Variants in SATB2 observed in about 807,000 individuals in gnomAD.
SATB2 encodes the protein DNA-binding protein SATB2.
In SATB2, 1 loss-of-function variant was observed where a neutral mutation model predicts 73.4. That is an observed-to-expected ratio of 0.01 (90% confidence interval 0.00 to 0.06). The LOEUF is 0.06. Ranked by LOEUF, SATB2 falls within the 10% of genes least tolerant of loss-of-function variation. The probability of loss-of-function intolerance (pLI) is 1.00; values close to 1 mark genes in which losing one functional copy is unlikely to be tolerated. For synonymous variants in SATB2, 397 were observed against 367.0 expected, an observed-to-expected ratio of 1.08 and a Z score of -0.93; for missense variants, 459 against 945.8, an observed-to-expected ratio of 0.49 and a Z score of 6.75.
intron 3 of SATB2, among the ~76,000 whole-genome samples, 154 bp from the exon 4 acceptor site, chr2:199,381,974 C>T (rs1445447935): frequency 2.0e-5 from 3 of 152,156 alleles, no homozygotes; most frequent in South Asian, 2.1e-4. Flanking sequence ...TCTTTCTGGC[C>T]GACAATTGAG....
At chr2:199,285,402 T>C (rs769065804) in intron 10 of SATB2, among the ~76,000 whole-genome samples, 1 of 152,120 alleles carries the variant, frequency 6.6e-6, no homozygotes, top group Non-Finnish European at 1.5e-5. Context: ...AGGCAAAACA[T>C]ATTCTCCTAG....
At position 199,409,691 on chromosome 2, in the gene SATB2, A is replaced by G. The variant is rs550489404; in HGVS notation, c.346+23647T>C. ...TTTGTTTTTTTTTGTTTTCTATACC[A>G]TGGTGTCATAACACCACTTACAACA... On this transcript the variant is annotated intron_variant, in intron 3 of 10. Transcript: ENST00000417098. Among the ~76,000 whole-genome samples, 22 of 150,980 alleles carry G rather than the reference A, an allele frequency of 1.5e-4. 1 individual carries two copies. In the South Asian group the frequency reaches 2.5e-3, roughly 17 times the overall value.
intron 10 of SATB2, among the ~76,000 whole-genome samples, chr2:199,295,113 T>C (rs1045232453): frequency 2.6e-5 from 4 of 152,032 alleles, no homozygotes; most frequent in Non-Finnish European, 5.9e-5. Context: ...AAGAAAGAAA[T>C]ACAAAGATAA....
chr2:199,356,645 G>A (rs183592498), intron 6 of SATB2, among the ~76,000 whole-genome samples: 2 of 152,176 alleles, frequency 1.3e-5, no homozygotes, highest in Non-Finnish European at 1.5e-5. Context: ...GCTGGCTCTC[G>A]CCTCGTAATA....
At chr2:199,372,824 G>A (rs930185326) in intron 5 of SATB2, among the ~76,000 whole-genome samples, 1 of 152,156 alleles carries the variant, frequency 6.6e-6, no homozygotes, top group African/African-American at 2.4e-5. Context: ...AGTTAACTAA[G>A]AAGTTTAGAA....
intron 9 of SATB2, among the ~76,000 whole-genome samples, chr2:199,322,916 A>G (rs1687929090): frequency 6.6e-6 from 1 of 152,152 alleles, no homozygotes; most frequent in African/African-American, 2.4e-5. Context: ...CATTTGTCAT[A>G]TAAGGACACA....
At chr2:199,436,671 T>C (rs1691661617) in intron 2 of SATB2, among the ~76,000 whole-genome samples, 1 of 151,970 alleles carries the variant, frequency 6.6e-6, no homozygotes, top group Non-Finnish European at 1.5e-5. Context: ...GGAGGAAAAA[T>C]AGATGCAATT....
intron 3 of SATB2, among the ~76,000 whole-genome samples, chr2:199,382,218 G>A (rs746487198): frequency 2.6e-5 from 4 of 152,066 alleles, no homozygotes; most frequent in Non-Finnish European, 5.9e-5. Context: ...GTTTTGAATT[G>A]TACAAGAAAA....
At chr2:199,458,798 C>T (rs1692384562), upstream of SATB2, 3 of 359,084 alleles carry the variant, frequency 8.4e-6, no homozygotes, top group Non-Finnish European at 1.1e-5. Context: ...CCCCTCCGAG[C>T]AACTTTTCCC....
At chr2:199,386,753 CA>C (rs1559022082) in intron 3 of SATB2, among the ~76,000 whole-genome samples, 4 of 136,198 alleles carry the variant, frequency 2.9e-5, no homozygotes, top group East Asian at 2.0e-4. Context: ...CACACACACA[CA>C]CACACACACA....
chr2:199,275,245 T>C (rs926824894), intron 10 of SATB2, among the ~76,000 whole-genome samples: 1 of 152,228 alleles, frequency 6.6e-6, no homozygotes. Context: ...CTATAATCTT[T>C]CTGCATGATT....
chr2:199,401,861 C>A (rs1434014770), intron 3 of SATB2, among the ~76,000 whole-genome samples: 1 of 152,086 alleles, frequency 6.6e-6, no homozygotes, highest in Non-Finnish European at 1.5e-5. Flanking sequence ...CTAAATTAAA[C>A]AGAAAACCCA....
At chr2:199,380,316 T>A (rs1326089239) in intron 5 of SATB2, 48 bp downstream of exon 5, 1 of 1,612,798 alleles carries the variant, frequency 6.2e-7, no homozygotes. Flanking sequence ...ATAGAGAGTC[T>A]ACCAATGGCT....
chr2:199,415,561 T>C (rs920978845), intron 3 of SATB2, among the ~76,000 whole-genome samples: 2 of 152,232 alleles, frequency 1.3e-5, no homozygotes, highest in African/African-American at 4.8e-5. Context: ...ATAACATATA[T>C]GGATATCCAA....
At chr2:199,373,212 G>C (rs569257519) in intron 5 of SATB2, among the ~76,000 whole-genome samples, 1 of 152,132 alleles carries the variant, frequency 6.6e-6, no homozygotes, top group Non-Finnish European at 1.5e-5. Context: ...ATGAGGGAGA[G>C]AGCAAAGACA....
chr2:199,271,580 C>A lies in SATB2; in HGVS notation c.*631G>T, dbSNP rs114405014. 0.011 allele frequency: 1,599 copies of A among 146,240 alleles called. 9 individuals carry two copies. Among genetic ancestry groups the A allele is most frequent in the Non-Finnish European group, 0.019 (1,288 of 66,648 alleles). 9.1% of individuals were successfully genotyped at this position (146,240 alleles called of 1,614,324 possible). A position where few individuals can be genotyped will look rare whatever the true frequency, so the allele number is the denominator to read the frequency against. On this transcript the variant is annotated 3_prime_UTR_variant, in exon 11 of 11. Coordinates refer to ENST00000417098, the MANE Select transcript of SATB2 (RefSeq NM_001172509.2). ...AGAATTAAAAAAAAAAAATCAGGGACAAACACAAAAAATAAATAGGAATTC... is the reference window on the plus strand; with the variant it reads ...AGAATTAAAAAAAAAAAATCAGGGAAAAACACAAAAAATAAATAGGAATTC...
At chr2:199,426,882 T>C (rs992678893) in intron 3 of SATB2, among the ~76,000 whole-genome samples, 4 of 152,158 alleles carry the variant, frequency 2.6e-5, no homozygotes, top group African/African-American at 4.8e-5. Flanking sequence ...TATCTATTTA[T>C]TTAGAGACAG....
chr2:199,312,122 G>A (rs1333254854), intron 9 of SATB2, among the ~76,000 whole-genome samples: 1 of 151,692 alleles, frequency 6.6e-6, no homozygotes, highest in African/African-American at 2.4e-5. Flanking sequence ...TTTCTGTCGT[G>A]CATGTTCAAT....
chr2:199,425,037 C>T (rs1367872383), intron 3 of SATB2, among the ~76,000 whole-genome samples: 1 of 152,150 alleles, frequency 6.6e-6, no homozygotes, highest in Admixed American at 6.5e-5. Context: ...CTCTATTTTA[C>T]ATTTAAAATC....
Sources: gnomAD v4.1 joint callset for allele counts (sites outside exome capture counted in the v4.1 genomes callset) on GRCh38, gnomAD v4.1.1 for gene constraint, MANE v1.5 for transcripts, NCBI Gene and HGNC (gene_info 2026-07-23, HGNC 2026-07-21) for gene names.